PDE3A: variants seen among roughly 807,000 people sequenced by gnomAD.
PDE3A encodes the protein phosphodiesterase 3A, also known as cGMP-inhibited 3',5'-cyclic phosphodiesterase 3A.
A neutral mutation model predicts 98.3 loss-of-function variants in PDE3A; 43 were observed. The ratio of observed to expected loss-of-function variants is 0.44; its 90% CI spans 0.34 to 0.56. The LOEUF is 0.56. Among genes scored for constraint, PDE3A ranks in the 20% least tolerant of loss-of-function variants. The pLI is 0.01. For synonymous variants in PDE3A, 663 were observed against 567.9 expected (o/e 1.17, Z -2.38); for missense variants, 1,427 against 1,440.7 (o/e 0.99, Z 0.15).
intron 1 of PDE3A, among the ~76,000 whole-genome samples, chr12:20,495,301 C>G (rs1268761253): frequency 6.6e-6 from 1 of 151,932 alleles, no homozygotes; most frequent in Admixed American, 6.6e-5. Context: ...CTTAGCATAA[C>G]AGCTAAATAC....
At chr12:20,664,434 C>T (rs1288467869) in intron 15 of PDE3A, among the ~76,000 whole-genome samples, 1 of 152,174 alleles carries the variant, frequency 6.6e-6, no homozygotes, top group Non-Finnish European at 1.5e-5. Flanking sequence ...TACCTCTCTA[C>T]TCAGAGGTCT....
At chr12:20,438,853 A>G (rs1262030110) in intron 1 of PDE3A, among the ~76,000 whole-genome samples, 1 of 151,494 alleles carries the variant, frequency 6.6e-6, no homozygotes, top group Admixed American at 6.6e-5. Flanking sequence ...TCCACTTCCC[A>G]GGTTCAAGCG....
intron 15 of PDE3A, among the ~76,000 whole-genome samples, chr12:20,672,737 A>T (rs1945520203): frequency 7.5e-6 from 1 of 132,900 alleles, no homozygotes; most frequent in Non-Finnish European, 1.6e-5. Context: ...ACCTAAAACC[A>T]TAAAAACCCT....
chr12:20,648,147 TAA>T (rs1216527791), intron 12 of PDE3A, among the ~76,000 whole-genome samples: 5 of 151,630 alleles, frequency 3.3e-5, no homozygotes, highest in African/African-American at 1.2e-4. Context: ...GAGAATGTTT[TAA>T]GTCATGGACA....
intron 1 of PDE3A, among the ~76,000 whole-genome samples, chr12:20,500,026 A>G (rs948979596): frequency 4.4e-4 from 67 of 152,304 alleles, no homozygotes; most frequent in African/African-American, 1.5e-3. Context: ...TAACCAGCAT[A>G]CTACACTGTA....
chr12:20,375,759 G>A (rs1228225645), intron 1 of PDE3A, among the ~76,000 whole-genome samples: 2 of 151,938 alleles, frequency 1.3e-5, no homozygotes, highest in East Asian at 1.9e-4. Flanking sequence ...TGAGATTAAT[G>A]AGAAGTGAAC....
chr12:20,482,244 A>G (rs1356932996), intron 1 of PDE3A, among the ~76,000 whole-genome samples: 1 of 55,686 alleles, frequency 1.8e-5, no homozygotes, highest in Non-Finnish European at 4.0e-5. Flanking sequence ...TTTTTTCTGT[A>G]AAAAAAAAAA....
intron 1 of PDE3A, chr12:20,449,629 G>A: frequency 2.5e-6 from 1 of 398,148 alleles, no homozygotes; most frequent in Non-Finnish European, 4.7e-6. Flanking sequence ...AGCCAATTGT[G>A]GCAGATTTTA....
At chr12:20,608,353 G>A (rs1201881616) in intron 2 of PDE3A, among the ~76,000 whole-genome samples, 1 of 149,816 alleles carries the variant, frequency 6.7e-6, no homozygotes, top group African/African-American at 2.5e-5. Flanking sequence ...ACAACAAAGT[G>A]AGGACCTGAC....
Position 20,369,627 on chromosome 12 carries a change from C to T in PDE3A, c.343C>T (p.Pro115Ser), listed in dbSNP as rs745847159. ...AGCAGAAGGGGGCGTCTTCCCGGGG[C>T]CTCGGGGAGGTGCTCCCGGGGGCGG... ...PGAEGGVFPG[P>S]RGGAPGGGAR... Residue 115 changes from proline to serine, a missense_variant, in exon 1 of 16, where the codon CCT (proline) becomes TCT (serine). Coordinates refer to ENST00000359062, the MANE Select transcript of PDE3A (RefSeq NM_000921.5). The T allele has an allele frequency of 3.2e-6, 5 of 1,582,750 alleles. No individual in the cohort carries two copies. The highest frequency in any genetic ancestry group is 1.1e-5 in the South Asian group (1 of 88,028).
chr12:20,457,143 A>G (rs1322045245), intron 1 of PDE3A, among the ~76,000 whole-genome samples: 3 of 152,156 alleles, frequency 2.0e-5, no homozygotes, highest in Non-Finnish European at 4.4e-5. Flanking sequence ...CTAAGCAAGG[A>G]CATTGGCAAA....
At chr12:20,640,516 T>C (rs541105525) in intron 10 of PDE3A, among the ~76,000 whole-genome samples, 2 of 151,906 alleles carry the variant, frequency 1.3e-5, no homozygotes, top group South Asian at 2.1e-4. Context: ...AAAAGACATA[T>C]GGAAGTGGTT....
intron 15 of PDE3A, among the ~76,000 whole-genome samples, chr12:20,656,369 A>T (rs1385644096): frequency 1.3e-5 from 2 of 152,232 alleles, no homozygotes; most frequent in Non-Finnish European, 2.9e-5. Flanking sequence ...AGAAGTCCTT[A>T]TCAATTATGA....
intron 1 of PDE3A, among the ~76,000 whole-genome samples, chr12:20,404,407 A>G (rs998235166): frequency 1.3e-5 from 2 of 152,122 alleles, no homozygotes; most frequent in South Asian, 4.1e-4. Context: ...GTAGAAAGCC[A>G]TATACTGTAG....
intron 2 of PDE3A, among the ~76,000 whole-genome samples, chr12:20,596,661 T>C (rs1056291121): frequency 1.4e-4 from 22 of 152,088 alleles, no homozygotes; most frequent in African/African-American, 5.3e-4. Flanking sequence ...GTATCAGAAA[T>C]AGAGAGAATA....
intron 15 of PDE3A, among the ~76,000 whole-genome samples, chr12:20,669,130 G>C (rs1175138369): frequency 1.3e-5 from 2 of 151,832 alleles, no homozygotes; most frequent in Admixed American, 6.6e-5. Context: ...GAAATGAAGC[G>C]AGAAGGGAAG....
intron 1 of PDE3A, among the ~76,000 whole-genome samples, chr12:20,439,910 A>C (rs1944842047): frequency 6.6e-6 from 1 of 152,120 alleles, no homozygotes; most frequent in African/African-American, 2.4e-5. Context: ...TTGTGACAAC[A>C]TTTTTTGATT....
intron 15 of PDE3A, among the ~76,000 whole-genome samples, chr12:20,671,999 A>T (rs1279502985): frequency 1.3e-5 from 2 of 150,372 alleles, no homozygotes; most frequent in Non-Finnish European, 3.0e-5. Context: ...AACTTCAGCA[A>T]AGTCTCAGGA....
At chr12:20,667,839 G>A (rs538588468) in intron 15 of PDE3A, among the ~76,000 whole-genome samples, 8 of 152,206 alleles carry the variant, frequency 5.3e-5, no homozygotes, top group African/African-American at 1.9e-4. Flanking sequence ...AGATTGCGGG[G>A]GAGGAGCCAA....
Sources: gnomAD v4.1 joint callset for allele counts (sites outside exome capture counted in the v4.1 genomes callset) on GRCh38, gnomAD v4.1.1 for gene constraint, MANE v1.5 for transcripts, NCBI Gene and HGNC (gene_info 2026-07-23, HGNC 2026-07-21) for gene names.